TNKS: variants seen among roughly 807,000 people sequenced by gnomAD.
The protein encoded by TNKS is tankyrase, also known as poly [ADP-ribose] polymerase tankyrase-1.
TNKS carries 72 observed loss-of-function variants against 135.8 expected under a neutral mutation model. The observed-to-expected ratio is 0.53, with a 90% CI of 0.44 to 0.64. The LOEUF is 0.64. Among genes scored for constraint, TNKS ranks in the 30% least tolerant of loss-of-function variants. TNKS has a pLI of 0.00. For missense variants in TNKS, 1,769 were observed against 1,674.0 expected (o/e 1.06, Z -0.99); for synonymous variants, 849 against 649.3 (o/e 1.31, Z -4.68).
At chr8:9,569,806 GGTGTCTTT>G in intron 1 of TNKS, among the ~76,000 whole-genome samples, 1 of 151,918 alleles carries the variant, frequency 6.6e-6, no homozygotes, top group Admixed American at 6.6e-5. Flanking sequence ...TTTGCCTTTT[GGTGTCTTT>G]GTTATCTGTG....
chr8:9,711,258 C>T (rs1325104867), intron 11 of TNKS, among the ~76,000 whole-genome samples: 1 of 152,134 alleles, frequency 6.6e-6, no homozygotes, highest in South Asian at 2.1e-4. Flanking sequence ...ATGATGCCAG[C>T]ACTCTCACTA....
chr8:9,598,377 A>C (rs1325395782), intron 2 of TNKS, among the ~76,000 whole-genome samples: 1 of 152,176 alleles, frequency 6.6e-6, no homozygotes, highest in African/African-American at 2.4e-5. Context: ...GGAGACTAAA[A>C]TTGAAAGCAG....
chr8:9,635,371 G>A (rs1800471443), intron 3 of TNKS, among the ~76,000 whole-genome samples: 1 of 152,146 alleles, frequency 6.6e-6, no homozygotes, highest in Admixed American at 6.5e-5. Context: ...TGAACGAATG[G>A]GGAGGGACAC....
chr8:9,588,281 T>G (rs1171665169), intron 2 of TNKS, among the ~76,000 whole-genome samples: 1 of 152,154 alleles, frequency 6.6e-6, no homozygotes, highest in Non-Finnish European at 1.5e-5. Flanking sequence ...ACCAAATTGC[T>G]TCTTTTTTTT....
At chr8:9,659,111 C>G (rs527754507) in intron 3 of TNKS, among the ~76,000 whole-genome samples, 152 of 152,288 alleles carry the variant, frequency 1.0e-3, no homozygotes, top group Middle Eastern at 3.4e-3. Context: ...TACAAAGAGA[C>G]ATAGACTCCC....
In TNKS at chr8:9,776,871, T is replaced by A; in HGVS notation, c.*135T>A. On this transcript the variant is annotated 3_prime_UTR_variant, in exon 27 of 27. Coordinates refer to ENST00000310430, the MANE Select transcript of TNKS (RefSeq NM_003747.3). The stretch of plus-strand genomic sequence containing the variant: ...TAAGCTGTTTGTCTTCTATAAAGCA[T>A]TGCTATAGTGATGAATAGTATGAGT... 1.3e-6 allele frequency: 1 copy of A among 774,962 alleles called. No individual in the cohort carries two copies. Among genetic ancestry groups the A allele is most frequent in the Non-Finnish European group, 2.1e-6 (1 of 479,006 alleles). 48.0% of individuals were successfully genotyped at this position (774,962 alleles called of 1,614,324 possible). A position where few individuals can be genotyped will look rare whatever the true frequency, so the allele number is the denominator to read the frequency against.
At chr8:9,721,606 T>G (rs1243460212) in intron 12 of TNKS, among the ~76,000 whole-genome samples, 2 of 151,290 alleles carry the variant, frequency 1.3e-5, no homozygotes, top group African/African-American at 4.8e-5. Context: ...GTTACTTTTT[T>G]CTACCTACAG....
At chr8:9,763,951 G>A (rs1027529961) in intron 22 of TNKS, among the ~76,000 whole-genome samples, 1 of 152,102 alleles carries the variant, frequency 6.6e-6, no homozygotes, top group Non-Finnish European at 1.5e-5. Context: ...ACTTGCATAG[G>A]GAACTCAGGA....
intron 2 of TNKS, among the ~76,000 whole-genome samples, chr8:9,610,132 C>G (rs548745162): frequency 1.4e-4 from 21 of 152,002 alleles, no homozygotes; most frequent in Non-Finnish European, 2.6e-4. Flanking sequence ...GCTGAGATTA[C>G]AGACATGAGC....
chr8:9,680,861 C>CAT (rs142628274), intron 5 of TNKS, 61 bp downstream of exon 5: 515 of 1,233,780 alleles, frequency 4.2e-4, no homozygotes, highest in South Asian at 5.6e-4. Flanking sequence ...GTGAATGTGG[C>CAT]ATATATATAT....
intron 3 of TNKS, among the ~76,000 whole-genome samples, chr8:9,618,659 A>G (rs1585237647): frequency 6.6e-6 from 1 of 152,182 alleles, no homozygotes; most frequent in South Asian, 2.1e-4. Flanking sequence ...GTGTGTTTTG[A>G]TTATAAATTT....
chr8:9,567,777 G>C (rs1797605347), intron 1 of TNKS, among the ~76,000 whole-genome samples: 1 of 152,130 alleles, frequency 6.6e-6, no homozygotes, highest in Non-Finnish European at 1.5e-5. Flanking sequence ...GATAAATTTT[G>C]CTGTATGTTT....
At chr8:9,707,108 A>T in intron 8 of TNKS, 111 bp downstream of exon 8, 3 of 898,238 alleles carry the variant, frequency 3.3e-6, no homozygotes, top group Non-Finnish European at 4.8e-6. Flanking sequence ...AGACTAATTC[A>T]TAATCCTCAT....
intron 1 of TNKS, among the ~76,000 whole-genome samples, chr8:9,567,450 C>T (rs1210552506): frequency 6.6e-6 from 1 of 152,230 alleles, no homozygotes; most frequent in Non-Finnish European, 1.5e-5. Context: ...GAGTCTCGCT[C>T]TGTCGCCCAG....
chr8:9,724,039 T>TA (rs1805037540), intron 12 of TNKS, among the ~76,000 whole-genome samples: 1 of 152,208 alleles, frequency 6.6e-6, no homozygotes, highest in Non-Finnish European at 1.5e-5. Flanking sequence ...AAGATGTTTT[T>TA]AAAAATAGGC....
In TNKS at chr8:9,692,720, TC is replaced by T. The variant is rs1354998661; in HGVS notation, c.1107+11922del. Among the ~76,000 whole-genome samples the T allele has an allele frequency of 2.6e-5, 4 of 152,218 alleles. No individual in the cohort carries two copies. In the East Asian group the frequency reaches 7.7e-4, roughly 29 times the overall value. Reference sequence around the variant, plus strand: ...AAAGAAGTGAATAAAACAGCTTTTTTCCTTTCATCTCACCTCGTTAATCAAT... The same window carrying T: ...AAAGAAGTGAATAAAACAGCTTTTTTCTTTCATCTCACCTCGTTAATCAAT... On this transcript the variant is annotated intron_variant, in intron 5 of 26. Transcript: ENST00000310430.
At chr8:9,733,539 C>A in intron 15 of TNKS, 95 bp downstream of exon 15, 2 of 1,021,800 alleles carry the variant, frequency 2.0e-6, no homozygotes, top group South Asian at 1.6e-5. Flanking sequence ...CTATTAAGAA[C>A]AATACTGCTG....
chr8:9,749,063 T>C (rs1806385364), intron 18 of TNKS, among the ~76,000 whole-genome samples: 1 of 152,234 alleles, frequency 6.6e-6, no homozygotes, highest in Admixed American at 6.5e-5. Flanking sequence ...GTCATTGTTC[T>C]TTAAGGCTAA....
At chr8:9,565,985 CAT>C (rs1797517778) in intron 1 of TNKS, among the ~76,000 whole-genome samples, 5 of 152,054 alleles carry the variant, frequency 3.3e-5, no homozygotes, top group Admixed American at 2.6e-4. Context: ...TATATGTTGA[CAT>C]ATATATTATA....
Sources: gnomAD v4.1 joint callset for allele counts (sites outside exome capture counted in the v4.1 genomes callset) on GRCh38, gnomAD v4.1.1 for gene constraint, MANE v1.5 for transcripts, NCBI Gene and HGNC (gene_info 2026-07-23, HGNC 2026-07-21) for gene names.